CHD9: variants seen among roughly 807,000 people sequenced by gnomAD.
CHD9 encodes the protein chromodomain helicase DNA binding protein 9, also known as ATP-dependent chromatin remodeler CHD9.
CHD9 carries 77 observed loss-of-function variants against 316.1 expected under a neutral mutation model. The observed-to-expected ratio is 0.24, with a 90% CI of 0.20 to 0.29. The LOEUF (loss-of-function observed/expected upper bound fraction) is 0.29. CHD9 is among the 10% of genes least tolerant of loss of function. CHD9 has a pLI of 1.00. For synonymous variants in CHD9, 1,129 were observed against 1,158.3 expected, an observed-to-expected ratio of 0.97 and a Z score of 0.51; for missense variants, 2,763 against 3,438.1, an observed-to-expected ratio of 0.80 and a Z score of 4.91.
At chr16:53,190,027 A>G (rs1005565171) in intron 2 of CHD9, among the ~76,000 whole-genome samples, 1 of 152,112 alleles carries the variant, frequency 6.6e-6, no homozygotes, top group Non-Finnish European at 1.5e-5. Flanking sequence ...GTCACATTGA[A>G]CCATGATTTT....
At chr16:53,274,163 T>C (rs2153015287) in intron 23 of CHD9, 50 bp from the exon 24 acceptor site, 1 of 1,174,494 alleles carries the variant, frequency 8.5e-7, no homozygotes, top group East Asian at 2.4e-5. Flanking sequence ...TCCGAATATT[T>C]TAAACGATGA....
intron 20 of CHD9, among the ~76,000 whole-genome samples, chr16:53,265,404 AAAATT>A: frequency 6.6e-6 from 1 of 152,298 alleles, no homozygotes; most frequent in African/African-American, 2.4e-5. Flanking sequence ...CTTTCTTTAA[AAAATT>A]AAATTAGTTT....
At chr16:53,253,398 A>G (rs1348770072) in intron 17 of CHD9, among the ~76,000 whole-genome samples, 2 of 152,176 alleles carry the variant, frequency 1.3e-5, no homozygotes, top group African/African-American at 2.4e-5. Flanking sequence ...AGCTGTGAGG[A>G]CACAAAGGCA....
chr16:53,195,748 G>A (rs2044855201), intron 2 of CHD9, among the ~76,000 whole-genome samples: 1 of 150,350 alleles, frequency 6.7e-6, no homozygotes, highest in African/African-American at 2.5e-5. Flanking sequence ...ATAAAACAGA[G>A]AGATTCAATG....
At chr16:53,200,110 A>C (rs975136809) in intron 2 of CHD9, among the ~76,000 whole-genome samples, 1 of 152,068 alleles carries the variant, frequency 6.6e-6, no homozygotes, top group Non-Finnish European at 1.5e-5. Flanking sequence ...ACGGTGGCTC[A>C]TACCTTTAAT....
rs1355217507 is a variant in CHD9, at chr16:53,118,233, A to C, written c.-164-37693A>C. ...GGAGTTTGAGACCAGCATGGCCAAC[A>C]TGGCAAAACCCTGTCTCTACCAAAA... On this transcript the variant is annotated intron_variant, in intron 1 of 38. Transcript: ENST00000447540. Among the ~76,000 whole-genome samples the C allele has an allele frequency of 3.3e-5, 5 of 152,254 alleles. No homozygotes were observed. In the East Asian group the frequency reaches 9.7e-4, roughly 29 times the overall value.
At chr16:53,273,917 A>C in intron 23 of CHD9, 132 bp downstream of exon 23, 1 of 825,118 alleles carries the variant, frequency 1.2e-6, no homozygotes, top group African/African-American at 1.7e-5. Context: ...TAATTTTACA[A>C]GGTATCCTAC....
At chr16:53,078,816 C>T (rs927113702) in intron 1 of CHD9, among the ~76,000 whole-genome samples, 14 of 152,122 alleles carry the variant, frequency 9.2e-5, no homozygotes, top group Non-Finnish European at 1.9e-4. Flanking sequence ...GGTCCTTTCT[C>T]CCCTTAAATT....
At chr16:53,270,056 G>C (rs1261603039) in intron 22 of CHD9, among the ~76,000 whole-genome samples, 1 of 151,992 alleles carries the variant, frequency 6.6e-6, no homozygotes, top group African/African-American at 2.4e-5. Flanking sequence ...CCAAGCTAGA[G>C]TGTTGTGACG....
chr16:53,300,739 C>T (rs1449787922), intron 30 of CHD9, among the ~76,000 whole-genome samples: 1 of 152,192 alleles, frequency 6.6e-6, no homozygotes, highest in African/African-American at 2.4e-5. Flanking sequence ...CTGGATATCC[C>T]TCATAAACCA....
At chr16:53,237,472 G>T (rs1340729432) in intron 11 of CHD9, among the ~76,000 whole-genome samples, 1 of 152,044 alleles carries the variant, frequency 6.6e-6, no homozygotes, top group African/African-American at 2.4e-5. Flanking sequence ...TAATAGAATG[G>T]CAAATGTCTT....
chr16:53,122,307 T>A (rs1228908717), intron 1 of CHD9: 1 of 152,184 alleles, frequency 6.6e-6, no homozygotes. Flanking sequence ...AGTATTTAAA[T>A]ATGTGTAAAT....
Position 53,209,760 on chromosome 16 carries a change from A to G in CHD9, c.1731A>G (p.Lys577=). The G allele has an allele frequency of 1.2e-6, 2 of 1,609,252 alleles. No homozygotes were observed. Among genetic ancestry groups the G allele is most frequent in the Non-Finnish European group, 1.7e-6 (2 of 1,178,146 alleles). ...GGATGAAATCCAAGCCAAAGGACAA[A>G]GACAGCAAAAAAACAAAAACATGTT... ...GRRMKSKPKD[K]DSKKTKTCSK... The change falls in exon 3 of 39, where the codon AAA becomes AAG. Residue 577 remains lysine (K), a synonymous_variant. Transcript: ENST00000447540.
At position 53,075,299 on chromosome 16, in the gene CHD9, G is replaced by A. The variant is rs193270765; in HGVS notation, c.-165+20222G>A. On this transcript the variant is annotated intron_variant, in intron 1 of 38. Coordinates refer to ENST00000447540, the MANE Select transcript of CHD9 (RefSeq NM_001308319.2). ...ACAGGCTCATAGACAGAAGGGACCT[G>A]CCTTGTCTCAGAAGAGACTTCGGAA... 2.6e-4 allele frequency among the ~76,000 whole-genome samples: 40 copies of A among 152,298 alleles called. 1 individual carries two copies. The highest frequency in any genetic ancestry group is 8.4e-4 in the African/African-American group (35 of 41,550).
At position 53,193,909 on chromosome 16, in the gene CHD9, ATACTATAGTAATAT is replaced by A. The variant is rs1424777377; in HGVS notation, c.1453-15568_1453-15555del. Among the ~76,000 whole-genome samples, 9 of 152,316 alleles carry A rather than the reference ATACTATAGTAATAT, an allele frequency of 5.9e-5. No individual in the cohort carries two copies. The East Asian group carries it at 1.7e-3, about 29-fold the overall frequency. ...ACCTTGGCTTGTAAATAACTATAAT[ATACTATAGTAATAT>A]TACTGTTATAAAACAAATATTACTG... is the stretch of plus-strand genomic sequence containing the variant. On this transcript the variant is annotated intron_variant, in intron 2 of 38. Transcript: ENST00000447540.
intron 22 of CHD9, among the ~76,000 whole-genome samples, chr16:53,272,935 T>TA (rs1319265460): frequency 1.3e-5 from 2 of 151,816 alleles, no homozygotes; most frequent in African/African-American, 4.8e-5. Flanking sequence ...CTAAAATTAC[T>TA]AAAGTTAGCC....
rs551925838 is a variant in CHD9 at position 53,318,153 on chromosome 16, T to A, written c.7585-59T>A. The A allele has an allele frequency of 5.4e-4, 750 of 1,381,770 alleles. 2 individuals are homozygous for A. The highest frequency in any genetic ancestry group is 6.8e-4 in the Non-Finnish European group (691 of 1,015,686). The allele number at this position is 1,381,770 out of a possible 1,614,324, so 85.6% of individuals were successfully genotyped here. A position where few individuals can be genotyped will look rare whatever the true frequency, so the allele number is the denominator to read the frequency against. ...TACTTGGATCAGCTCATTTTAATAT[T>A]TTGAATTGTTTTGCACAGTTAAAGA... On this transcript the variant is annotated intron_variant, in intron 36 of 38. Transcript: ENST00000447540.
At chr16:53,234,928 G>T (rs1448841310) in intron 10 of CHD9, among the ~76,000 whole-genome samples, 1 of 152,004 alleles carries the variant, frequency 6.6e-6, no homozygotes, top group Non-Finnish European at 1.5e-5. Context: ...AGGGACATTG[G>T]TCTGTAGTTT....
intron 30 of CHD9, chr16:53,298,751 A>T (rs1200687821): frequency 6.5e-6 from 1 of 153,606 alleles, no homozygotes; most frequent in Admixed American, 6.5e-5. Context: ...GTCCAGGAAC[A>T]TGCGGGATTC....
Sources: allele counts gnomAD v4.1 joint callset (sites outside exome capture counted in the v4.1 genomes callset), GRCh38; gene constraint gnomAD v4.1.1; transcripts MANE v1.5; gene names NCBI Gene and HGNC (gene_info 2026-07-23, HGNC 2026-07-21).